PIBF1: variants seen among roughly 807,000 people sequenced by gnomAD.
The protein encoded by PIBF1 is progesterone immunomodulatory binding factor 1.
PIBF1 carries 90 observed loss-of-function variants against 112.5 expected under a neutral mutation model. That is an observed-to-expected ratio of 0.80 (90% CI 0.67 to 0.95). The LOEUF is 0.95. Among genes scored for constraint, PIBF1 ranks in the 40% least tolerant of loss-of-function variants. The pLI, the probability that PIBF1 is intolerant of heterozygous loss-of-function variation, is 0.00. For synonymous variants in PIBF1, 301 were observed against 288.6 expected (o/e 1.04, Z -0.44); for missense variants, 915 against 852.3 (o/e 1.07, Z -0.92).
intron 14 of PIBF1, among the ~76,000 whole-genome samples, chr13:72,958,767 A>G (rs1015170195): frequency 2.0e-5 from 3 of 152,208 alleles, no homozygotes; most frequent in African/African-American, 7.2e-5. Flanking sequence ...ACGTGGGAAC[A>G]TGAGAGAAGG....
Position 72,920,883 on chromosome 13 carries a change from T to G in PIBF1, c.1730+3717T>G, listed in dbSNP as rs539282995. On this transcript the variant is annotated intron_variant, in intron 13 of 17. Coordinates refer to ENST00000326291, the MANE Select transcript of PIBF1 (RefSeq NM_006346.4). ...CAGTCAAAACAGTAAATGAACTATA[T>G]GCAAAATAAAGTTTTCATTGTACAT... Among the ~76,000 whole-genome samples the G allele has an allele frequency of 1.5e-3, 229 of 152,244 alleles. 1 individual carries two copies. The highest frequency in any genetic ancestry group is 5.3e-3 in the African/African-American group (221 of 41,562).
intron 5 of PIBF1, among the ~76,000 whole-genome samples, chr13:72,798,868 T>C (rs752288959): frequency 6.6e-6 from 1 of 152,228 alleles, no homozygotes; most frequent in African/African-American, 2.4e-5. Flanking sequence ...GTTCGTGATA[T>C]GAGATGGAGC....
chr13:72,962,131 T>A (rs1469824702), intron 14 of PIBF1, among the ~76,000 whole-genome samples: 1 of 152,156 alleles, frequency 6.6e-6, no homozygotes, highest in Non-Finnish European at 1.5e-5. Context: ...TTATGATACA[T>A]TGGCTTTGGT....
intron 2 of PIBF1, among the ~76,000 whole-genome samples, chr13:72,790,421 TCACACA>T (rs57599910): frequency 1.6e-3 from 223 of 135,632 alleles, no homozygotes; most frequent in Middle Eastern, 3.6e-3. Flanking sequence ...GAGGAGTCCA[TCACACA>T]CACACACACA....
chr13:72,987,866 T>TTTTTTTA lies in PIBF1; in HGVS notation c.2050-10950_2050-10949insATTTTTT, dbSNP rs1566522347. Among the ~76,000 whole-genome samples the TTTTTTTA allele has an allele frequency of 6.8e-4, 67 of 98,126 alleles. 2 individuals are homozygous for TTTTTTTA. The highest frequency in any genetic ancestry group is 2.8e-3 in the African/African-American group (64 of 23,056). 64.4% of individuals were successfully genotyped at this position (98,126 alleles called of 152,430 possible). On this transcript the variant is annotated intron_variant, in intron 16 of 17. Transcript: ENST00000326291. ...TATTTATTTATTTATTTATTTTTTT[T>TTTTTTTA]TTTTTTTTTTTTTTTGAGGCAGAGT...
chr13:73,001,361 T>C (rs1396600571), intron 17 of PIBF1, among the ~76,000 whole-genome samples: 1 of 152,158 alleles, frequency 6.6e-6, no homozygotes, highest in African/African-American at 2.4e-5. Flanking sequence ...AATCTCATGG[T>C]TTTATACCTA....
rs767948792 is a variant in PIBF1 at position 72,822,034 on chromosome 13, A to G, written c.806+52A>G. Reference sequence around the variant, plus strand: ...TAGTTCTCTATTTTTAGGGTGCATCAAAGTCACCTGAGTTTTTACCAACAA... The same window carrying G: ...TAGTTCTCTATTTTTAGGGTGCATCGAAGTCACCTGAGTTTTTACCAACAA... On this transcript the variant is annotated intron_variant, in intron 6 of 17. Coordinates refer to ENST00000326291, the MANE Select transcript of PIBF1 (RefSeq NM_006346.4). 9 of 1,494,470 alleles carry G rather than the reference A, an allele frequency of 6.0e-6. No individual in the cohort carries two copies. In the South Asian group the frequency reaches 1.2e-4, roughly 19 times the overall value. 92.6% of individuals were successfully genotyped at this position (1,494,470 alleles called of 1,614,324 possible).
At chr13:72,987,858 ATT>A (rs55999445) in intron 16 of PIBF1, among the ~76,000 whole-genome samples, 2,458 of 57,856 alleles carry the variant, frequency 0.042, 23 homozygotes, top group South Asian at 0.071. Flanking sequence ...TTATTTATTT[ATT>A]TTTTTTTTTT....
intron 14 of PIBF1, among the ~76,000 whole-genome samples, chr13:72,937,978 C>T (rs2138802479): frequency 6.6e-6 from 1 of 152,248 alleles, no homozygotes; most frequent in Middle Eastern, 3.4e-3. Flanking sequence ...GGTTGATGCA[C>T]TTCCTTTAAC....
At chr13:72,810,166 A>G (rs1348407988) in intron 5 of PIBF1, among the ~76,000 whole-genome samples, 2 of 152,204 alleles carry the variant, frequency 1.3e-5, no homozygotes, top group Non-Finnish European at 2.9e-5. Context: ...AAGTGCTTAT[A>G]GATAACTTTA....
chr13:72,864,241 A>G (rs1364031235), intron 10 of PIBF1, among the ~76,000 whole-genome samples: 2 of 152,202 alleles, frequency 1.3e-5, no homozygotes, highest in Non-Finnish European at 2.9e-5. Flanking sequence ...CTTGAGAGTG[A>G]GGAGGATGGG....
intron 12 of PIBF1, among the ~76,000 whole-genome samples, chr13:72,914,386 C>A (rs953862702): frequency 1.3e-5 from 2 of 151,556 alleles, no homozygotes; most frequent in South Asian, 2.1e-4. Flanking sequence ...AAAAAAAAAA[C>A]AACCTAGATT....
intron 10 of PIBF1, among the ~76,000 whole-genome samples, chr13:72,868,809 C>A (rs534761674): frequency 1.5e-5 from 2 of 137,542 alleles, no homozygotes; most frequent in South Asian, 4.8e-4. Flanking sequence ...CATAGTGAGA[C>A]CCCAGCTCTC....
chr13:72,948,189 C>T (rs1177168905), intron 14 of PIBF1, among the ~76,000 whole-genome samples: 3 of 151,714 alleles, frequency 2.0e-5, no homozygotes, highest in Non-Finnish European at 4.4e-5. Context: ...CAAACCTGCA[C>T]GTTCTGCACA....
intron 9 of PIBF1, among the ~76,000 whole-genome samples, chr13:72,851,680 C>T (rs1007649464): frequency 3.3e-5 from 5 of 152,224 alleles, no homozygotes; most frequent in Non-Finnish European, 7.3e-5. Flanking sequence ...GGGAGCTGCG[C>T]CACCAGTTTC....
At chr13:72,980,014 A>C (rs2043117833) in intron 16 of PIBF1, among the ~76,000 whole-genome samples, 1 of 152,214 alleles carries the variant, frequency 6.6e-6, no homozygotes, top group Non-Finnish European at 1.5e-5. Flanking sequence ...AGGGATGAGA[A>C]TTGATGCCTA....
intron 9 of PIBF1, among the ~76,000 whole-genome samples, chr13:72,842,913 T>G (rs2138249720): frequency 6.6e-6 from 1 of 152,366 alleles, no homozygotes; most frequent in East Asian, 1.9e-4. Flanking sequence ...ACTCCTTAGA[T>G]GTTTACAACG....
intron 17 of PIBF1, among the ~76,000 whole-genome samples, chr13:73,006,349 G>T (rs2044034390): frequency 6.6e-6 from 1 of 152,112 alleles, no homozygotes; most frequent in African/African-American, 2.4e-5. Flanking sequence ...AACACTAATT[G>T]TAACCTCTTC....
At chr13:72,928,939 C>T (rs2041620890) in intron 13 of PIBF1, among the ~76,000 whole-genome samples, 1 of 152,194 alleles carries the variant, frequency 6.6e-6, no homozygotes. Context: ...CTCTGCATCT[C>T]ATTTTCTTGC....
Sources: allele counts gnomAD v4.1 joint callset (sites outside exome capture counted in the v4.1 genomes callset), GRCh38; gene constraint gnomAD v4.1.1; transcripts MANE v1.5; gene names NCBI Gene and HGNC (gene_info 2026-07-23, HGNC 2026-07-21).